The following ZNF404 variants were observed in gnomAD, a reference collection of about 807,000 sequenced individuals.
The protein encoded by ZNF404 is zinc finger protein 404.
ZNF404 carries 7 observed loss-of-function variants against 7.3 expected under a neutral mutation model. That is an observed-to-expected ratio of 0.95 (90% CI 0.54 to 1.79). ZNF404 has a LOEUF of 1.79. Among genes scored for constraint, ZNF404 ranks in the 40% most tolerant of loss-of-function variants. The pLI, the probability that ZNF404 is intolerant of heterozygous loss-of-function variation, is 0.00. For synonymous variants in ZNF404, 191 were observed against 209.9 expected (o/e 0.91, Z 0.78); for missense variants, 560 against 661.5 (o/e 0.85, Z 1.68).
chr19:43,875,258 G>A (rs986939315), intron 2 of ZNF404, among the ~76,000 whole-genome samples: 6 of 151,910 alleles, frequency 3.9e-5, no homozygotes, highest in Admixed American at 2.0e-4. Context: ...AAGTAATCAC[G>A]TGTTGCATTA....
intron 2 of ZNF404, among the ~76,000 whole-genome samples, chr19:43,874,774 TA>T (rs1364121245): frequency 6.6e-6 from 1 of 152,152 alleles, no homozygotes; most frequent in Non-Finnish European, 1.5e-5. Flanking sequence ...TTCTCTCAAT[TA>T]CATATTTACT....
intron 2 of ZNF404, among the ~76,000 whole-genome samples, chr19:43,878,638 G>T (rs1476853421): frequency 1.3e-5 from 2 of 152,152 alleles, no homozygotes; most frequent in African/African-American, 4.8e-5. Flanking sequence ...CCATATAGGG[G>T]TAGGCAGAAC....
rs1365538773 is a variant in ZNF404, at chr19:43,872,622, G to A, written c.1592C>T (p.Ala531Val). ...KPQKCKECGKAFSHCYQLSQH... is the reference protein window; with the variant it reads ...KPQKCKECGKVFSHCYQLSQH... ...ACTAAGTTGATAGCAATGACTAAAG[G>A]CCTTACCACATTCTTTGCATTTCTG... The change falls in exon 3 of 3, where the codon GCC (alanine) becomes GTC (valine). Residue 531 changes from alanine to valine, a missense_variant. By Grantham distance (64) the Ala-to-Val change is moderately conservative. Coordinates refer to ENST00000587539, the MANE Select transcript of ZNF404 (RefSeq NM_001033719.3). This position sits in a 1 kb window ranked among gnomAD's most constrained non-coding sequence, Gnocchi z 4.4. The A allele has an allele frequency of 1.2e-6, 2 of 1,612,134 alleles. No individual in the cohort carries two copies. Among genetic ancestry groups the A allele is most frequent in the Admixed American group, 1.7e-5 (1 of 59,684 alleles).
chr19:43,883,229 G>A (rs1290011422), intron 1 of ZNF404, among the ~76,000 whole-genome samples: 1 of 151,912 alleles, frequency 6.6e-6, no homozygotes, highest in African/African-American at 2.4e-5. Flanking sequence ...ATGTATGTTG[G>A]ACACAAATTC....
rs1394722073 is a variant in ZNF404, at chr19:43,872,533, T to C, written c.*22A>G. ...TAGTGACAACAGTAAAAATGTGCCATGGCTAAAGGCTTTCCCTCTCATTAC... is the reference window on the plus strand; with the variant it reads ...TAGTGACAACAGTAAAAATGTGCCACGGCTAAAGGCTTTCCCTCTCATTAC... On this transcript the variant is annotated 3_prime_UTR_variant, in exon 3 of 3. Coordinates refer to ENST00000587539, the MANE Select transcript of ZNF404 (RefSeq NM_001033719.3). This position sits in a 1 kb window ranked among gnomAD's most constrained non-coding sequence, Gnocchi z 4.4. 3 of 1,535,980 alleles carry C rather than the reference T, an allele frequency of 2.0e-6. No individual in the cohort carries two copies. Among genetic ancestry groups the C allele is most frequent in the South Asian group, 2.6e-5 (2 of 78,142 alleles).
intron 1 of ZNF404, among the ~76,000 whole-genome samples, chr19:43,883,626 G>C (rs1430065960): frequency 2.0e-5 from 3 of 152,102 alleles, no homozygotes; most frequent in African/African-American, 4.8e-5. Context: ...AGTCAAATAG[G>C]ACCATTGTTC....
At chr19:43,881,790 C>G (rs1971896497) in intron 1 of ZNF404, 2 of 152,020 alleles carry the variant, frequency 1.3e-5, no homozygotes, top group Admixed American at 6.6e-5. Context: ...AACCCTGTCT[C>G]TACTAAAACA....
chr19:43,876,291 G>A (rs1971849879), intron 2 of ZNF404, among the ~76,000 whole-genome samples: 1 of 152,108 alleles, frequency 6.6e-6, no homozygotes, highest in African/African-American at 2.4e-5. Context: ...TCTAGCCTGG[G>A]CGACAGAGTG....
chr19:43,872,928 T>A lies in ZNF404; in HGVS notation c.1286A>T (p.His429Leu). Residue 429 changes from histidine (H) to leucine (L), a missense_variant, in exon 3 of 3, where the codon CAT becomes CTT. Transcript: ENST00000587539. The surrounding 1 kb of genome is among the most constrained non-coding windows in gnomAD (Gnocchi z 4.4). ...TTTCTCCCCAGCATGAATTGATTGA[T>A]GTGTCTTAAGGTCTCCAACACGACT... The part of the protein sequence containing the change: ...AFSRVGDLKT[H>L]QSIHAGEKPY... The A allele has an allele frequency of 1.9e-6, 3 of 1,608,254 alleles. No individual in the cohort carries two copies. The highest frequency in any genetic ancestry group is 2.5e-6 in the Non-Finnish European group (3 of 1,176,790).
intron 2 of ZNF404, among the ~76,000 whole-genome samples, chr19:43,875,344 C>G (rs945176799): frequency 6.6e-6 from 1 of 151,974 alleles, no homozygotes; most frequent in East Asian, 1.9e-4. Context: ...GGTTTTACTT[C>G]TTTTCATTCT....
chr19:43,879,209 GA>G (rs1971875728), intron 2 of ZNF404, among the ~76,000 whole-genome samples: 1 of 152,120 alleles, frequency 6.6e-6, no homozygotes, highest in Admixed American at 6.6e-5. Context: ...AGTTATAAAA[GA>G]GAATTAAATT....
intron 2 of ZNF404, among the ~76,000 whole-genome samples, chr19:43,879,302 T>A (rs1186543100): frequency 6.6e-6 from 1 of 151,920 alleles, no homozygotes; most frequent in Non-Finnish European, 1.5e-5. Context: ...GGAATACAGG[T>A]CAACAGGAAA....
rs1971917670 is a variant in ZNF404 at position 43,883,897 on chromosome 19, A to G, written c.9+59T>C. ...AGGTTTCAGGATTAAAAAAATGAAA[A>G]TATTACATGAATTAAAAAATCACAA... On this transcript the variant is annotated intron_variant, in intron 1 of 2. Coordinates refer to ENST00000587539, the MANE Select transcript of ZNF404 (RefSeq NM_001033719.3). 23 of 1,579,110 alleles carry G rather than the reference A, an allele frequency of 1.5e-5. No homozygotes were observed. In the South Asian group the frequency reaches 2.3e-4, roughly 16 times the overall value.
Position 43,873,083 on chromosome 19 carries a change from A to C in ZNF404, c.1131T>G (p.His377Gln). 1 of 1,613,024 alleles carries C rather than the reference A, an allele frequency of 6.2e-7. No homozygotes were observed. Among genetic ancestry groups the C allele is most frequent in the South Asian group, 1.1e-5 (1 of 91,026 alleles). Residue 377 changes from histidine (H) to glutamine (Q), a missense_variant, in exon 3 of 3, where the codon CAT becomes CAG. His to Gln is a conservative substitution (Grantham distance 24). Transcript: ENST00000587539. ...GSQLTQHQRI[H>Q]TGEKPHECKE... ...TACATTCATGTGGCTTCTCACCAGTATGAATTCTCTGATGCTGTGTAAGTT... is the reference window on the plus strand; with the variant it reads ...TACATTCATGTGGCTTCTCACCAGTCTGAATTCTCTGATGCTGTGTAAGTT...
chr19:43,872,826 C>T lies in ZNF404; in HGVS notation c.1388G>A (p.Gly463Asp). The T allele has an allele frequency of 6.2e-7, 1 of 1,610,110 alleles. No individual in the cohort carries two copies. Among genetic ancestry groups the T allele is most frequent in the East Asian group, 2.2e-5 (1 of 44,838 alleles). ...QLIYHQTIHT[G>D]LKPYVCKECK... ...TTCTTTACATACATAGGGTTTCAAACCAGTATGAATTGTCTGATGATAAAT... is the reference window on the plus strand; with the variant it reads ...TTCTTTACATACATAGGGTTTCAAATCAGTATGAATTGTCTGATGATAAAT... Residue 463 changes from glycine to aspartate, a missense_variant, in exon 3 of 3, where the codon GGT becomes GAT. By Grantham distance (94) the Gly-to-Asp change is moderately conservative. Coordinates refer to ENST00000587539, the MANE Select transcript of ZNF404 (RefSeq NM_001033719.3). This position sits in a 1 kb window ranked among gnomAD's most constrained non-coding sequence, Gnocchi z 4.4.
At chr19:43,879,178 A>C (rs533640654) in intron 2 of ZNF404, among the ~76,000 whole-genome samples, 48 of 152,344 alleles carry the variant, frequency 3.2e-4, no homozygotes, top group Middle Eastern at 3.4e-3. Context: ...AAAAGAATGA[A>C]GATTTCAACA....
At chr19:43,879,977 A>G (rs1185902703) in intron 2 of ZNF404, 33 bp downstream of exon 2, 4 of 1,611,468 alleles carry the variant, frequency 2.5e-6, no homozygotes, top group Non-Finnish European at 3.4e-6. Flanking sequence ...TCTAGAGAGC[A>G]TATTGTACAT....
At position 43,873,798 on chromosome 19, in the gene ZNF404, C is replaced by T; in HGVS notation, c.416G>A (p.Gly139Asp). The T allele has an allele frequency of 6.3e-7, 1 of 1,588,688 alleles. No individual in the cohort carries two copies. The highest frequency in any genetic ancestry group is 1.7e-4 in the Middle Eastern group (1 of 5,978). ...KSYECKEYKK[G>D]FRKYLHLTEH... Reference sequence around the variant, plus strand: ...AGTAAGGTGCAAATATTTTCTAAAGCCCTTCTTATATTCCTTACACTCATA... The same window carrying T: ...AGTAAGGTGCAAATATTTTCTAAAGTCCTTCTTATATTCCTTACACTCATA... Residue 139 changes from glycine to aspartate, a missense_variant, in exon 3 of 3, where the codon GGC becomes GAC. By Grantham distance (94) the Gly-to-Asp change is moderately conservative. Coordinates refer to ENST00000587539, the MANE Select transcript of ZNF404 (RefSeq NM_001033719.3).
At position 43,873,907 on chromosome 19, in the gene ZNF404, T is replaced by C. The variant is rs769451635; in HGVS notation, c.307A>G (p.Lys103Glu). 2 of 1,613,154 alleles carry C rather than the reference T, an allele frequency of 1.2e-6. No homozygotes were observed. Among genetic ancestry groups the C allele is most frequent in the Admixed American group, 3.3e-5 (2 of 59,970 alleles). ...ATCATTTGACTAAAACATCCCACTTTAGGTCTCTGTTGTCTCCCAAATTCA... is the reference window on the plus strand; with the variant it reads ...ATCATTTGACTAAAACATCCCACTTCAGGTCTCTGTTGTCTCCCAAATTCA... ...TIEFGRQQRP[K>E]VGCFSQMIFK... The change falls in exon 3 of 3, where the codon AAA becomes GAA. Residue 103 changes from lysine to glutamate, a missense_variant. By Grantham distance (56) the Lys-to-Glu change is moderately conservative (BLOSUM62 1). Transcript: ENST00000587539.
Sources: allele counts gnomAD v4.1 joint callset (sites outside exome capture counted in the v4.1 genomes callset), GRCh38; gene constraint gnomAD v4.1.1; non-coding constraint Gnocchi (gnomAD v3.1); transcripts MANE v1.5; gene names NCBI Gene and HGNC (gene_info 2026-07-23, HGNC 2026-07-21).